UBN2: variants seen among roughly 807,000 people sequenced by gnomAD.
The protein encoded by UBN2 is ubinuclein 2, also known as ubinuclein-2.
A neutral mutation model predicts 120.2 loss-of-function variants in UBN2; 35 were observed. The observed-to-expected ratio is 0.29, with a 90% CI of 0.22 to 0.39. The LOEUF is 0.39. Ranked by LOEUF, UBN2 falls within the 10% of genes least tolerant of loss-of-function variation. The pLI is 1.00. For missense variants in UBN2, 1,693 were observed against 1,663.2 expected, an observed-to-expected ratio of 1.02 and a Z score of -0.31; for synonymous variants, 661 against 648.7, an observed-to-expected ratio of 1.02 and a Z score of -0.29.
intron 12 of UBN2, chr7:139,276,431 G>T: frequency 2.4e-6 from 1 of 414,884 alleles, no homozygotes; most frequent in Non-Finnish European, 4.4e-6. Flanking sequence ...CTACCTGCCA[G>T]TCTTTTTCTC....
At chr7:139,249,411 G>A (rs867776022) in intron 2 of UBN2, among the ~76,000 whole-genome samples, 6 of 152,128 alleles carry the variant, frequency 3.9e-5, no homozygotes, top group African/African-American at 9.7e-5. Flanking sequence ...GATGTCTTTC[G>A]TAAGTCTGGC....
rs1209978571 is a variant in UBN2, at chr7:139,301,190, C to T, written c.*3354C>T. The stretch of plus-strand genomic sequence containing the variant: ...GGAAGGTAAGGGGAAGAACCGGGCA[C>T]ATATGTGTTGGAATACTGTGGGTTT... On this transcript the variant is annotated 3_prime_UTR_variant, in exon 18 of 18. Transcript: ENST00000473989. The T allele has an allele frequency of 6.6e-6, 1 of 152,118 alleles. No homozygotes were observed. The highest frequency in any genetic ancestry group is 6.6e-5 in the Admixed American group (1 of 15,232). 9.4% of individuals were successfully genotyped at this position (152,118 alleles called of 1,614,324 possible).
Position 139,232,061 on chromosome 7 carries a change from C to T in UBN2, c.468+109C>T, listed in dbSNP as rs989967571. On this transcript the variant is annotated intron_variant, in intron 1 of 17. Coordinates refer to ENST00000473989, the MANE Select transcript of UBN2 (RefSeq NM_173569.4). ...GCCCACCGAGCGCGTCCGGGTCGCC[C>T]CGAGGGTGGGGTGCGGGGGGCCGGG... 9.8e-5 allele frequency: 109 copies of T among 1,117,948 alleles called. No individual in the cohort carries two copies. In the East Asian group the frequency reaches 3.2e-3, roughly 33 times the overall value. The allele number at this position is 1,117,948 out of a possible 1,614,324, so 69.3% of individuals were successfully genotyped here.
chr7:139,270,727 G>A (rs56116214), intron 8 of UBN2, among the ~76,000 whole-genome samples: 7,393 of 151,932 alleles, frequency 0.049, 316 homozygotes, highest in African/African-American at 0.1. Context: ...TAGGAACCAT[G>A]ATACCAGATG....
chr7:139,239,190 A>G (rs1796244857), intron 2 of UBN2, among the ~76,000 whole-genome samples: 1 of 152,156 alleles, frequency 6.6e-6, no homozygotes, highest in Admixed American at 6.5e-5. Context: ...TACATATTAT[A>G]GAATTGTACA....
chr7:139,286,295 C>G (rs1342059239), intron 15 of UBN2, among the ~76,000 whole-genome samples: 1 of 152,116 alleles, frequency 6.6e-6, no homozygotes, highest in African/African-American at 2.4e-5. Flanking sequence ...AACTCCTAAC[C>G]TCAAGTGATC....
In UBN2 at chr7:139,297,833, G is replaced by GT; in HGVS notation, c.4042dup (p.Ter1348LeufsTer15). 1 of 1,614,096 alleles carries GT rather than the reference G, an allele frequency of 6.2e-7. No individual in the cohort carries two copies. The highest frequency in any genetic ancestry group is 8.5e-7 in the Non-Finnish European group (1 of 1,179,996). Reference sequence around the variant, plus strand: ...ACACTAAATTACCACGGAAATCTCAGTGACTGCCCAGCAAGCAAAGGAGAC... The same window carrying GT: ...ACACTAAATTACCACGGAAATCTCAGTTGACTGCCCAGCAAGCAAAGGAGAC... On this transcript the variant is annotated frameshift_variant, in exon 18 of 18. Coordinates refer to ENST00000473989, the MANE Select transcript of UBN2 (RefSeq NM_173569.4). LOFTEE classifies it high-confidence loss of function.
chr7:139,263,348 G>T (rs1234452454), intron 6 of UBN2, among the ~76,000 whole-genome samples: 1 of 152,112 alleles, frequency 6.6e-6, no homozygotes, highest in Non-Finnish European at 1.5e-5. Context: ...GTGAATTATA[G>T]CCCTACCCTC....
At chr7:139,289,825 A>G (rs1037678999) in intron 15 of UBN2, among the ~76,000 whole-genome samples, 10 of 152,182 alleles carry the variant, frequency 6.6e-5, no homozygotes, top group African/African-American at 2.4e-4. Context: ...ACTGGGGCAC[A>G]CAGCCTTGGA....
chr7:139,297,706 A>C, intron 17 of UBN2, 81 bp from the exon 18 acceptor site: 3 of 1,279,570 alleles, frequency 2.3e-6, no homozygotes, highest in Non-Finnish European at 3.4e-6. Flanking sequence ...GATAAAAGTT[A>C]ATTGTTGTTT....
At chr7:139,328,349 C>A in the UBN2 span, among the ~76,000 whole-genome samples, 5,332 of 152,208 alleles carry the variant, frequency 0.035, 332 homozygotes, top group African/African-American at 0.12. Flanking sequence ...CACTGTCGTG[C>A]GAATAGCAAG....
rs1044438471 is a variant in UBN2, at chr7:139,282,010, G to A, written c.2073G>A (p.Val691=). The A allele has an allele frequency of 6.2e-7, 1 of 1,613,376 alleles. No homozygotes were observed. Among genetic ancestry groups the A allele is most frequent in the African/African-American group, 1.3e-5 (1 of 75,024 alleles). ...TTGCTTATGTAATACCTTAGGAGGT[G>A]ATGGTAAAGACCCTTCCTCTCCATT... ...IPAPKPKVKE[V]MVKTLPLHSF... Residue 691 remains valine, a synonymous_variant, in exon 14 of 18, where the codon GTG becomes GTA. Coordinates refer to ENST00000473989, the MANE Select transcript of UBN2 (RefSeq NM_173569.4).
At chr7:139,330,158 CT>C in the UBN2 span, among the ~76,000 whole-genome samples, 33 of 152,154 alleles carry the variant, frequency 2.2e-4, no homozygotes, top group Non-Finnish European at 3.1e-4. Context: ...AATTACTTTA[CT>C]TGGAAAAAGA....
chr7:139,246,943 G>A (rs779660318), intron 2 of UBN2, among the ~76,000 whole-genome samples: 7 of 152,044 alleles, frequency 4.6e-5, no homozygotes, highest in Admixed American at 1.3e-4. Flanking sequence ...ATGTTCCACC[G>A]TTGTTTATCC....
chr7:139,299,589 T>C lies in UBN2; in HGVS notation c.*1753T>C, dbSNP rs1462653571. ...ACTTGTTACAGTAAAGGGAAAGGAT[T>C]ATTTCAAAGGAATCACTGATATAAT... On this transcript the variant is annotated 3_prime_UTR_variant, in exon 18 of 18. Coordinates refer to ENST00000473989, the MANE Select transcript of UBN2 (RefSeq NM_173569.4). 1 of 152,176 alleles carries C rather than the reference T, an allele frequency of 6.6e-6. No individual in the cohort carries two copies. The highest frequency in any genetic ancestry group is 6.5e-5 in the Admixed American group (1 of 15,288). The allele number at this position is 152,176 out of a possible 1,614,324, so 9.4% of individuals were successfully genotyped here. A position where few individuals can be genotyped will look rare whatever the true frequency, so the allele number is the denominator to read the frequency against.
chr7:139,315,158 G>A, the UBN2 span: 14 of 151,588 alleles, frequency 9.2e-5, no homozygotes, highest in Admixed American at 7.9e-4. Context: ...TGTATTTTTA[G>A]TAGAGACGGG....
rs1030203413 is a variant in UBN2 at position 139,266,412 on chromosome 7, TTTTC to T, written c.1466+13_1466+16del. 6.9e-7 allele frequency: 1 copy of T among 1,453,038 alleles called. No homozygotes were observed. Among genetic ancestry groups the T allele is most frequent in the African/African-American group, 1.4e-5 (1 of 69,558 alleles). The allele number at this position is 1,453,038 out of a possible 1,614,324, so 90.0% of individuals were successfully genotyped here. On this transcript the variant is annotated intron_variant, in intron 7 of 17. Coordinates refer to ENST00000473989, the MANE Select transcript of UBN2 (RefSeq NM_173569.4). ...AATAATATTCTTCTGGAGTAAGTAATTTTCTTTAAAAAAAAAAACCTTAAGAATG... is the reference window on the plus strand; with the variant it reads ...AATAATATTCTTCTGGAGTAAGTAATTTTAAAAAAAAAAACCTTAAGAATG...
At chr7:139,242,115 T>G (rs1006347684) in intron 2 of UBN2, among the ~76,000 whole-genome samples, 2 of 152,212 alleles carry the variant, frequency 1.3e-5, no homozygotes, top group African/African-American at 4.8e-5. Context: ...GAGTAACATC[T>G]TCACAGTAAA....
rs1796003471 is a variant in UBN2 at position 139,231,424 on chromosome 7, C to G, written c.-61C>G. On this transcript the variant is annotated 5_prime_UTR_variant, in exon 1 of 18. Coordinates refer to ENST00000473989, the MANE Select transcript of UBN2 (RefSeq NM_173569.4). ...GAGCAAGAGGAAGGGCGGGCAGGCA[C>G]GCAGCGCGCCGTAGAAGCGAGCGCC... 1 of 1,226,756 alleles carries G rather than the reference C, an allele frequency of 8.2e-7. No individual in the cohort carries two copies. The highest frequency in any genetic ancestry group is 1.6e-5 in the African/African-American group (1 of 63,892). 76.0% of individuals were successfully genotyped at this position (1,226,756 alleles called of 1,614,324 possible). A position where few individuals can be genotyped will look rare whatever the true frequency, so the allele number is the denominator to read the frequency against.
Sources: allele counts gnomAD v4.1 joint callset (sites outside exome capture counted in the v4.1 genomes callset), GRCh38; gene constraint gnomAD v4.1.1; transcripts MANE v1.5; gene names NCBI Gene and HGNC (gene_info 2026-07-23, HGNC 2026-07-21).